IL17RA: variants seen among roughly 807,000 people sequenced by gnomAD.
IL17RA encodes interleukin 17 receptor A.
A neutral mutation model predicts 50.4 loss-of-function variants in IL17RA; 34 were observed. The ratio of observed to expected loss-of-function variants is 0.67; its 90% CI spans 0.51 to 0.90. IL17RA has a LOEUF of 0.90. Ranked by LOEUF, IL17RA falls within the 40% of genes least tolerant of loss-of-function variation. The pLI is 0.00. For missense variants in IL17RA, 1,276 were observed against 1,169.8 expected, an observed-to-expected ratio of 1.09 and a Z score of -1.32; for synonymous variants, 585 against 510.4, an observed-to-expected ratio of 1.15 and a Z score of -1.97.
chr22:17,096,742 C>T (rs540571376), intron 1 of IL17RA, among the ~76,000 whole-genome samples: 73 of 152,086 alleles, frequency 4.8e-4, no homozygotes, highest in African/African-American at 1.7e-3. Flanking sequence ...TGGTGGCGGG[C>T]GCCTGTAGTC....
chr22:17,094,111 A>G (rs1351629506), intron 1 of IL17RA, among the ~76,000 whole-genome samples: 2 of 151,884 alleles, frequency 1.3e-5, no homozygotes, highest in Non-Finnish European at 2.9e-5. Flanking sequence ...AGCCTCTCAA[A>G]TAGCTGGGAC....
rs1209226603 is a variant in IL17RA at position 17,085,060 on chromosome 22, G to A, written c.-32G>A. ...ACGTTCGTTCGCTGCGTCCCCAGCC[G>A]GGGCCGAGCCCTCCGCGACGCCAGC... On this transcript the variant is annotated 5_prime_UTR_variant, in exon 1 of 13. Coordinates refer to ENST00000319363, the MANE Select transcript of IL17RA (RefSeq NM_014339.7). The A allele has an allele frequency of 5.4e-6, 7 of 1,288,972 alleles. No homozygotes were observed. The highest frequency in any genetic ancestry group is 2.4e-5 in the South Asian group (1 of 42,550). 79.8% of individuals were successfully genotyped at this position (1,288,972 alleles called of 1,614,324 possible). A position where few individuals can be genotyped will look rare whatever the true frequency, so the allele number is the denominator to read the frequency against.
intron 9 of IL17RA, among the ~76,000 whole-genome samples, 196 bp from the exon 10 acceptor site, chr22:17,105,395 G>A (rs1271181174): frequency 6.6e-6 from 1 of 152,152 alleles, no homozygotes; most frequent in Non-Finnish European, 1.5e-5. Flanking sequence ...TCCCAAGGAG[G>A]AGGCAAGGTG....
chr22:17,100,158 A>C (rs1601342745), intron 4 of IL17RA, among the ~76,000 whole-genome samples, 197 bp from the exon 5 acceptor site: 1 of 150,322 alleles, frequency 6.7e-6, no homozygotes, highest in South Asian at 2.1e-4. Flanking sequence ...AAAAAAAAAA[A>C]AAACAGGCAG....
chr22:17,105,172 C>T (rs555779650), intron 9 of IL17RA, among the ~76,000 whole-genome samples: 3 of 152,190 alleles, frequency 2.0e-5, no homozygotes, highest in Admixed American at 6.5e-5. Context: ...TTGTGAGTCA[C>T]GGTACTATGC....
At chr22:17,107,672 G>C in intron 11 of IL17RA, 55 bp from the exon 12 acceptor site, 1 of 1,477,886 alleles carries the variant, frequency 6.8e-7, no homozygotes, top group Non-Finnish European at 9.5e-7. Context: ...CCTGTGAGCT[G>C]GTTTCTATTT....
Position 17,114,840 on chromosome 22 carries a change from C to G in IL17RA, c.*5020C>G, listed in dbSNP as rs1407824844. The G allele has an allele frequency of 6.6e-6, 1 of 152,278 alleles. No individual in the cohort carries two copies. Among genetic ancestry groups the G allele is most frequent in the Non-Finnish European group, 1.5e-5 (1 of 68,060 alleles). The allele number at this position is 152,278 out of a possible 1,614,324, so 9.4% of individuals were successfully genotyped here. A position where few individuals can be genotyped will look rare whatever the true frequency, so the allele number is the denominator to read the frequency against. ...GAAGAAGGGCCTTGGTGCACACTGG[C>G]TTTTCTTCCTGACTGCAATGTGGCA... On this transcript the variant is annotated 3_prime_UTR_variant, in exon 13 of 13. Transcript: ENST00000319363.
At chr22:17,102,772 C>T (rs1404468536) in intron 7 of IL17RA, among the ~76,000 whole-genome samples, 2 of 151,780 alleles carry the variant, frequency 1.3e-5, no homozygotes, top group African/African-American at 2.4e-5. Context: ...CACCACTGCA[C>T]CCACTCTGGG....
Position 17,105,731 on chromosome 22 carries a change from A to G in IL17RA, c.944-122A>G, listed in dbSNP as rs112474270. Reference sequence around the variant, plus strand: ...AGGCCAGCCCGGGGTGGGGGGTGAGACCATGGTTTGTCGTGGTGGGGCCAG... The same window carrying G: ...AGGCCAGCCCGGGGTGGGGGGTGAGGCCATGGTTTGTCGTGGTGGGGCCAG... On this transcript the variant is annotated intron_variant, in intron 10 of 12. Coordinates refer to ENST00000319363, the MANE Select transcript of IL17RA (RefSeq NM_014339.7). The G allele has an allele frequency of 3.8e-4, 522 of 1,381,804 alleles. 6 individuals carry two copies. The African/African-American group carries it at 5.9e-3, about 16-fold the overall frequency. 85.6% of individuals were successfully genotyped at this position (1,381,804 alleles called of 1,614,324 possible).
At chr22:17,100,280 C>T (rs763398038) in intron 4 of IL17RA, 75 bp from the exon 5 acceptor site, 340 of 1,576,138 alleles carry the variant, frequency 2.2e-4, no homozygotes, top group Non-Finnish European at 2.8e-4. Flanking sequence ...TGGGTGGGAA[C>T]GGGGGTCTTT....
intron 4 of IL17RA, among the ~76,000 whole-genome samples, 176 bp from the exon 5 acceptor site, chr22:17,100,179 A>G (rs1222349335): frequency 1.3e-5 from 2 of 148,516 alleles, no homozygotes; most frequent in Non-Finnish European, 3.0e-5. Flanking sequence ...AAAGGACCAG[A>G]GGAAACAAAA....
chr22:17,095,981 C>T (rs1452011686), intron 1 of IL17RA, among the ~76,000 whole-genome samples: 2 of 152,170 alleles, frequency 1.3e-5, no homozygotes, highest in Admixed American at 6.5e-5. Flanking sequence ...TCTGTTCCCT[C>T]TCAAGAGAGA....
At chr22:17,093,233 T>C (rs1839619071) in intron 1 of IL17RA, among the ~76,000 whole-genome samples, 1 of 152,234 alleles carries the variant, frequency 6.6e-6, no homozygotes, top group African/African-American at 2.4e-5. Flanking sequence ...TTATTGAACA[T>C]TGGACTTCAC....
At position 17,109,143 on chromosome 22, in the gene IL17RA, G is replaced by GA; in HGVS notation, c.1926dup (p.Gly643ArgfsTer46). On this transcript the variant is annotated frameshift_variant, in exon 13 of 13. Transcript: ENST00000319363. LOFTEE classifies it low-confidence loss of function (END_TRUNC). ...GGCCATAGACCCGCTGGTCGGGGAG[G>GA]AAGGAGGAGCAGCAGTGGCAAAGCT... 1 of 1,537,528 alleles carries GA rather than the reference G, an allele frequency of 6.5e-7. No individual in the cohort carries two copies. The highest frequency in any genetic ancestry group is 8.7e-7 in the Non-Finnish European group (1 of 1,148,402).
chr22:17,088,901 T>G (rs905594229), intron 1 of IL17RA, among the ~76,000 whole-genome samples: 2 of 152,082 alleles, frequency 1.3e-5, no homozygotes, highest in Non-Finnish European at 2.9e-5. Flanking sequence ...GCTCAAGCGA[T>G]TCTCCTGCCT....
At chr22:17,106,769 G>A (rs73381911) in intron 11 of IL17RA, among the ~76,000 whole-genome samples, 21,751 of 152,214 alleles carry the variant, frequency 0.14, 1,896 homozygotes, top group African/African-American at 0.24. Flanking sequence ...GCCAGGCATG[G>A]GAGGACCTAT....
At chr22:17,094,354 C>T (rs2061358212) in intron 1 of IL17RA, among the ~76,000 whole-genome samples, 1 of 151,896 alleles carries the variant, frequency 6.6e-6, no homozygotes, top group Non-Finnish European at 1.5e-5. Flanking sequence ...ATTTTGTTCA[C>T]ATCTTTTGTC....
At chr22:17,101,508 A>G (rs2061391287) in intron 5 of IL17RA, among the ~76,000 whole-genome samples, 1 of 152,120 alleles carries the variant, frequency 6.6e-6, no homozygotes, top group East Asian at 1.9e-4. Flanking sequence ...TGTCTTGTTT[A>G]CCACTGTACC....
At position 17,101,298 on chromosome 22, in the gene IL17RA, G is replaced by T. The variant is rs561590932; in HGVS notation, c.551-698G>T. Reference sequence around the variant, plus strand: ...GAATTGCCTTGCATATAGTAGGTTGGTCAAGAAATGCTTGTTAAGGATGGT... The same window carrying T: ...GAATTGCCTTGCATATAGTAGGTTGTTCAAGAAATGCTTGTTAAGGATGGT... On this transcript the variant is annotated intron_variant, in intron 5 of 12. Transcript: ENST00000319363. Among the ~76,000 whole-genome samples, 11 of 152,308 alleles carry T rather than the reference G, an allele frequency of 7.2e-5. No individual in the cohort carries two copies. In the East Asian group the frequency reaches 1.9e-3, roughly 27 times the overall value.
Sources: gnomAD v4.1 joint callset for allele counts (sites outside exome capture counted in the v4.1 genomes callset) on GRCh38, gnomAD v4.1.1 for gene constraint, MANE v1.5 for transcripts, NCBI Gene and HGNC (gene_info 2026-07-23, HGNC 2026-07-21) for gene names.